Variants in NSMCE2 observed in about 807,000 individuals in gnomAD.
NSMCE2 encodes the protein NSE2 SUMO ligase component of SMC5/6 complex.
NSMCE2 carries 24 observed loss-of-function variants against 23.8 expected under a neutral mutation model. That is an observed-to-expected ratio of 1.01 (90% CI 0.73 to 1.42). The LOEUF (loss-of-function observed/expected upper bound fraction) is 1.42. Among genes scored for constraint, NSMCE2 ranks in the 40% most tolerant of loss-of-function variants. NSMCE2 has a pLI of 0.00. For missense variants in NSMCE2, 284 were observed against 296.5 expected, an observed-to-expected ratio of 0.96 and a Z score of 0.31; for synonymous variants, 92 against 94.1, an observed-to-expected ratio of 0.98 and a Z score of 0.13.
Position 125,102,322 on chromosome 8 carries a change from A to G in NSMCE2, c.-9A>G, listed in dbSNP as rs1270227374. ...CATTGTGTTTGAAAACTTAGGTACT[A>G]ATTTCAAGATGCCAGGACGTTCCAG... On this transcript the variant is annotated 5_prime_UTR_variant, in exon 3 of 8. Coordinates refer to ENST00000287437, the MANE Select transcript of NSMCE2 (RefSeq NM_173685.4). 3 of 1,609,292 alleles carry G rather than the reference A, an allele frequency of 1.9e-6. No homozygotes were observed. The highest frequency in any genetic ancestry group is 4.5e-5 in the East Asian group (2 of 44,854).
chr8:125,309,475 C>A (rs780599728), intron 5 of NSMCE2, among the ~76,000 whole-genome samples: 6 of 152,130 alleles, frequency 3.9e-5, no homozygotes, highest in Non-Finnish European at 8.8e-5. Context: ...GTAATCCCAG[C>A]ACTTCGGGAG....
intron 7 of NSMCE2, among the ~76,000 whole-genome samples, chr8:125,366,170 A>G (rs1813782716): frequency 6.6e-6 from 1 of 152,164 alleles, no homozygotes; most frequent in Non-Finnish European, 1.5e-5. Context: ...TGTTGCCCTC[A>G]TAGCCCATAA....
intron 5 of NSMCE2, among the ~76,000 whole-genome samples, chr8:125,330,181 C>T (rs34201191): frequency 0.44 from 59,870 of 136,258 alleles, 15,364 homozygotes; most frequent in East Asian, 0.55. Context: ...TTTTTTCTTT[C>T]TTTTTTTTTT....
intron 5 of NSMCE2, among the ~76,000 whole-genome samples, chr8:125,237,025 A>AT (rs1825586630): frequency 6.6e-6 from 1 of 152,158 alleles, no homozygotes; most frequent in Non-Finnish European, 1.5e-5. Flanking sequence ...CTCTTGTTAC[A>AT]TTTTTTAATA....
At chr8:125,272,239 C>T (rs1039288145) in intron 5 of NSMCE2, among the ~76,000 whole-genome samples, 1 of 151,852 alleles carries the variant, frequency 6.6e-6, no homozygotes, top group Admixed American at 6.6e-5. Flanking sequence ...TGGTCTCGAT[C>T]TCCTGACCTC....
At chr8:125,206,077 G>T (rs575080101) in intron 5 of NSMCE2, among the ~76,000 whole-genome samples, 18 of 152,236 alleles carry the variant, frequency 1.2e-4, no homozygotes, top group African/African-American at 3.9e-4. Context: ...AAAATGACGT[G>T]TTCAGAAAAT....
chr8:125,217,523 G>C (rs565491775), intron 5 of NSMCE2, among the ~76,000 whole-genome samples: 2 of 152,058 alleles, frequency 1.3e-5, no homozygotes, highest in East Asian at 3.9e-4. Flanking sequence ...GCCACACATG[G>C]CTAATTTTGT....
At position 125,357,737 on chromosome 8, in the gene NSMCE2, A is replaced by G; in HGVS notation, c.545A>G (p.Asn182Ser). 2 of 1,613,960 alleles carry G rather than the reference A, an allele frequency of 1.2e-6. No homozygotes were observed. Among genetic ancestry groups the G allele is most frequent in the Non-Finnish European group, 1.7e-6 (2 of 1,179,802 alleles). Residue 182 changes from asparagine (N) to serine (S), a missense_variant, in exon 7 of 8, where the codon AAT becomes AGT. By Grantham distance (46) the Asn-to-Ser change is conservative. Coordinates refer to ENST00000287437, the MANE Select transcript of NSMCE2 (RefSeq NM_173685.4). ...GAGGAAATGAAGAAGCCAGTGAAAAATAAAGTGTGTGGCCACACCTATGAA... is the reference window on the plus strand; with the variant it reads ...GAGGAAATGAAGAAGCCAGTGAAAAGTAAAGTGTGTGGCCACACCTATGAA... ...TKEEMKKPVK[N>S]KVCGHTYEED...
At chr8:125,359,679 G>A (rs964692139) in intron 7 of NSMCE2, among the ~76,000 whole-genome samples, 5 of 152,126 alleles carry the variant, frequency 3.3e-5, no homozygotes, top group Admixed American at 2.6e-4. Context: ...AATGACAATC[G>A]TTGTAATCAC....
intron 4 of NSMCE2, among the ~76,000 whole-genome samples, chr8:125,162,208 C>T (rs1429360768): frequency 1.3e-5 from 2 of 152,078 alleles, no homozygotes; most frequent in Non-Finnish European, 2.9e-5. Flanking sequence ...CAATACTTCT[C>T]AGGAAGTTGG....
chr8:125,364,091 G>A (rs1360311693), intron 7 of NSMCE2, among the ~76,000 whole-genome samples: 1 of 151,998 alleles, frequency 6.6e-6, no homozygotes, highest in African/African-American at 2.4e-5. Context: ...TTACAGGCAT[G>A]CGCCACCACG....
At chr8:125,303,026 C>T (rs909399777) in intron 5 of NSMCE2, among the ~76,000 whole-genome samples, 26 of 152,168 alleles carry the variant, frequency 1.7e-4, no homozygotes, top group South Asian at 4.1e-4. Flanking sequence ...TCTTCTGTTT[C>T]GCAAGCGGAG....
At chr8:125,339,384 C>T (rs1830163159) in intron 5 of NSMCE2, among the ~76,000 whole-genome samples, 2 of 152,120 alleles carry the variant, frequency 1.3e-5, no homozygotes, top group African/African-American at 4.8e-5. Flanking sequence ...TCTTGTTTAT[C>T]TTGGTGTATG....
intron 5 of NSMCE2, among the ~76,000 whole-genome samples, chr8:125,330,185 T>C (rs1829822322): frequency 6.8e-6 from 1 of 148,102 alleles, no homozygotes; most frequent in Non-Finnish European, 1.5e-5. Context: ...TTCTTTCTTT[T>C]TTTTTTTTTT....
intron 5 of NSMCE2, among the ~76,000 whole-genome samples, chr8:125,260,554 T>A (rs1826645622): frequency 6.7e-6 from 1 of 150,086 alleles, no homozygotes; most frequent in Admixed American, 6.7e-5. Flanking sequence ...CTGAGTTTCC[T>A]CAATAAAAAG....
intron 3 of NSMCE2, among the ~76,000 whole-genome samples, chr8:125,134,214 G>A (rs1303932742): frequency 2.0e-5 from 3 of 152,160 alleles, no homozygotes; most frequent in South Asian, 2.1e-4. Context: ...AAACTGTAAC[G>A]AGGACACCCA....
intron 1 of NSMCE2, among the ~76,000 whole-genome samples, chr8:125,097,367 A>T (rs1192951695): frequency 1.3e-5 from 2 of 152,176 alleles, no homozygotes; most frequent in African/African-American, 2.4e-5. Flanking sequence ...CCTGTACTTA[A>T]GGCTGTCTAC....
intron 5 of NSMCE2, among the ~76,000 whole-genome samples, chr8:125,217,969 A>G (rs1167665707): frequency 1.3e-5 from 2 of 152,056 alleles, no homozygotes; most frequent in Non-Finnish European, 2.9e-5. Flanking sequence ...ATTTGTGGTC[A>G]TTAAAGCAGA....
chr8:125,303,216 C>G (rs1431557190), intron 5 of NSMCE2, among the ~76,000 whole-genome samples: 1 of 152,206 alleles, frequency 6.6e-6, no homozygotes, highest in Non-Finnish European at 1.5e-5. Flanking sequence ...TCAGCTTTGA[C>G]TCAGGAGAGC....
Sources: allele counts gnomAD v4.1 joint callset (sites outside exome capture counted in the v4.1 genomes callset), GRCh38; gene constraint gnomAD v4.1.1; transcripts MANE v1.5; gene names NCBI Gene and HGNC (gene_info 2026-07-23, HGNC 2026-07-21).